Variants in MYOF observed in about 807,000 individuals in gnomAD.
The protein encoded by MYOF is fer-1-like 3, myoferlin.
MYOF carries 244 observed loss-of-function variants against 284.2 expected under a neutral mutation model. The observed-to-expected ratio is 0.86, with a 90% CI of 0.77 to 0.95. The LOEUF is 0.95. Among genes scored for constraint, MYOF ranks in the 40% least tolerant of loss-of-function variants. The pLI, the probability that MYOF is intolerant of heterozygous loss-of-function variation, is 0.00. For synonymous variants in MYOF, 904 were observed against 919.7 expected (o/e 0.98, Z 0.31); for missense variants, 2,496 against 2,560.6 (o/e 0.97, Z 0.54).
In MYOF at chr10:93,409,754, A is replaced by G; in HGVS notation, c.434-15T>C. ...TTCCCCATCTCCTAAAATATCAGAA[A>G]GAAACCCAGTGAGGGATAGCCCTTA... On this transcript the variant is annotated splice_polypyrimidine_tract_variant and intron_variant, in intron 5 of 53. Coordinates refer to ENST00000359263, the MANE Select transcript of MYOF (RefSeq NM_013451.4). 1 of 1,614,002 alleles carries G rather than the reference A, an allele frequency of 6.2e-7. No individual in the cohort carries two copies.
intron 20 of MYOF, 44 bp downstream of exon 20, chr10:93,381,175 A>T (rs1360597113): frequency 6.2e-7 from 1 of 1,601,260 alleles, no homozygotes; most frequent in Non-Finnish European, 8.5e-7. Context: ...CCCGTGGTGC[A>T]CCCATTGTAA....
intron 2 of MYOF, among the ~76,000 whole-genome samples, chr10:93,453,173 A>AT (rs34382054): frequency 0.64 from 96,074 of 150,664 alleles, 32,082 homozygotes; most frequent in Non-Finnish European, 0.74. Context: ...TACCCAGCTA[A>AT]TTTTTTTTTT....
intron 1 of MYOF, among the ~76,000 whole-genome samples, chr10:93,470,242 G>A (rs1324590236): frequency 1.6e-4 from 9 of 56,654 alleles, no homozygotes; most frequent in Admixed American, 2.6e-4. Context: ...AAAAAAAAAA[G>A]AAAGAAACAA....
rs1159189333 is a variant in MYOF, at chr10:93,328,825, A to G, written c.5069T>C (p.Ile1690Thr). The change falls in exon 45 of 54, where the codon ATC becomes ACC. Residue 1690 changes from isoleucine to threonine, a missense_variant. Coordinates refer to ENST00000359263, the MANE Select transcript of MYOF (RefSeq NM_013451.4). ...GATTCTACTCCCATCTTCGGAAAGG[A>G]TGGGTTGTGGGAAGCCTTTGAATCT... ...VARFKGFPQP[I>T]LSEDGSRIRY... 2.5e-6 allele frequency: 4 copies of G among 1,613,622 alleles called. No individual in the cohort carries two copies. The South Asian group carries it at 3.3e-5, about 13-fold the overall frequency.
intron 1 of MYOF, among the ~76,000 whole-genome samples, chr10:93,458,279 G>C (rs2056792289): frequency 6.6e-6 from 1 of 152,094 alleles, no homozygotes; most frequent in Non-Finnish European, 1.5e-5. Context: ...CTTGAGCCCA[G>C]GAGGTCAAGG....
intron 1 of MYOF, among the ~76,000 whole-genome samples, chr10:93,479,964 A>G (rs1283392246): frequency 1.3e-5 from 2 of 152,208 alleles, no homozygotes; most frequent in African/African-American, 4.8e-5. Context: ...ATGTTTCATC[A>G]ATGCATACAA....
chr10:93,455,326 A>C (rs1227090566), intron 2 of MYOF, among the ~76,000 whole-genome samples: 1 of 137,848 alleles, frequency 7.3e-6, no homozygotes, highest in Non-Finnish European at 1.7e-5. Flanking sequence ...AAAAAAGAAC[A>C]AAAAAAACCC....
intron 5 of MYOF, among the ~76,000 whole-genome samples, chr10:93,424,401 C>T (rs1474539819): frequency 1.3e-5 from 2 of 152,130 alleles, no homozygotes; most frequent in Non-Finnish European, 2.9e-5. Context: ...CAGTTCTGCC[C>T]CTGATGGTGT....
intron 3 of MYOF, among the ~76,000 whole-genome samples, chr10:93,451,327 CA>C (rs961941997): frequency 6.6e-6 from 1 of 150,556 alleles, no homozygotes. Flanking sequence ...GTGACAGAGT[CA>C]AAAAAAAGAA....
chr10:93,481,580 T>C (rs1829930), intron 1 of MYOF, among the ~76,000 whole-genome samples: 118,105 of 152,054 alleles, frequency 0.78, 46,324 homozygotes, highest in South Asian at 0.85. Context: ...CCCCAACAGT[T>C]TAGATATAAA....
chr10:93,378,454 A>T (rs1845943548), intron 21 of MYOF, among the ~76,000 whole-genome samples: 1 of 152,084 alleles, frequency 6.6e-6, no homozygotes, highest in Non-Finnish European at 1.5e-5. Flanking sequence ...ACCTATAGTT[A>T]TCCTCCCAGA....
intron 50 of MYOF, 60 bp from the exon 51 acceptor site, chr10:93,313,270 A>G: frequency 6.7e-7 from 1 of 1,488,964 alleles, no homozygotes; most frequent in South Asian, 1.3e-5. Context: ...TGTTGTTCAC[A>G]AGTGAACAGA....
intron 31 of MYOF, 46 bp downstream of exon 31, chr10:93,355,582 A>G (rs1589435661): frequency 2.9e-6 from 4 of 1,383,344 alleles, no homozygotes; most frequent in African/African-American, 1.4e-5. Context: ...TCAGTCTTGA[A>G]AAAATAAAAT....
chr10:93,474,068 G>A lies in MYOF; in HGVS notation c.88+8039C>T, dbSNP rs117193368. Among the ~76,000 whole-genome samples, 558 of 152,212 alleles carry A rather than the reference G, an allele frequency of 3.7e-3. 16 individuals carry two copies. The East Asian group carries it at 0.072, about 20-fold the overall frequency. Reference sequence around the variant, plus strand: ...CCATTTCACAGTACAGTGTGAGGAAGGATGGCCAAATTTGCCTGTCCAGTG... The same window carrying A: ...CCATTTCACAGTACAGTGTGAGGAAAGATGGCCAAATTTGCCTGTCCAGTG... On this transcript the variant is annotated intron_variant, in intron 1 of 53. Coordinates refer to ENST00000359263, the MANE Select transcript of MYOF (RefSeq NM_013451.4).
intron 3 of MYOF, among the ~76,000 whole-genome samples, chr10:93,446,621 A>G (rs2140556): frequency 1.3e-5 from 2 of 152,162 alleles, no homozygotes; most frequent in Admixed American, 6.5e-5. Context: ...GGAGGGGGGA[A>G]GATTGAAAAA....
chr10:93,321,447 G>A (rs1424991797), intron 48 of MYOF, among the ~76,000 whole-genome samples: 4 of 136,796 alleles, frequency 2.9e-5, no homozygotes, highest in South Asian at 4.6e-4. Context: ...CAAGAGCCAG[G>A]TTCTCACTAT....
chr10:93,476,131 A>G (rs1266222843), intron 1 of MYOF, among the ~76,000 whole-genome samples: 10 of 151,278 alleles, frequency 6.6e-5, no homozygotes, highest in Admixed American at 6.6e-4. Flanking sequence ...CTTCTTGATG[A>G]GTCCTATGGT....
chr10:93,311,697 G>A (rs529836279), intron 51 of MYOF, among the ~76,000 whole-genome samples: 1 of 152,116 alleles, frequency 6.6e-6, no homozygotes, highest in Non-Finnish European at 1.5e-5. Flanking sequence ...AGGCAGCAAG[G>A]TCACCAACAA....
At chr10:93,307,625 AT>A (rs141377552) in intron 53 of MYOF, among the ~76,000 whole-genome samples, 13,250 of 128,482 alleles carry the variant, frequency 0.1, 688 homozygotes, top group Middle Eastern at 0.15. Context: ...AACCAATAGA[AT>A]TTTTTTTTTT....
Sources: gnomAD v4.1 joint callset for allele counts (sites outside exome capture counted in the v4.1 genomes callset) on GRCh38, gnomAD v4.1.1 for gene constraint, MANE v1.5 for transcripts, NCBI Gene and HGNC (gene_info 2026-07-23, HGNC 2026-07-21) for gene names.